Variants in BCOR observed in about 807,000 individuals in gnomAD.
The protein encoded by BCOR is BCL6 corepressor, also known as BCL-6 corepressor.
Under a neutral mutation model 86.7 loss-of-function variants are expected in BCOR, and 10 were observed. The ratio of observed to expected loss-of-function variants is 0.12; its 90% confidence interval spans 0.07 to 0.20. BCOR has a LOEUF of 0.20. Ranked by LOEUF, BCOR falls within the 10% of genes least tolerant of loss-of-function variation. The pLI, the probability that BCOR is intolerant of heterozygous loss-of-function variation, is 1.00. For synonymous variants in BCOR, 611 were observed against 609.0 expected (o/e 1.00, Z -0.05); for missense variants, 1,259 against 1,452.1 (o/e 0.87, Z 2.16).
chrX:40,062,969 G>A lies in BCOR; in HGVS notation c.3950C>T (p.Pro1317Leu), dbSNP rs780412607. Residue 1317 changes from proline to leucine, a missense_variant, in exon 9 of 15, where the codon CCG (proline) becomes CTG (leucine). Coordinates refer to ENST00000378444, the MANE Select transcript of BCOR (RefSeq NM_001123385.2). Reference protein sequence around the residue: ...AQPSCAPASRPPAKQQKIKEN... With the variant: ...AQPSCAPASRLPAKQQKIKEN... ...TTTAATTTTCTGCTGTTTGGCAGGC[G>A]GCCTGGAGGCTGGTGCGCAGCTTGG... 35 of 1,187,150 alleles carry A rather than the reference G, an allele frequency of 2.9e-5. No homozygotes were observed. In the East Asian group the frequency reaches 9.2e-4, roughly 31 times the overall value.
intron 3 of BCOR, 81 bp downstream of exon 3, chrX:40,076,373 T>G: frequency 7.3e-6 from 6 of 816,771 alleles, no homozygotes; most frequent in South Asian, 2.1e-5. Context: ...CCCCACCCTT[T>G]AAGGGCATGC....
chrX:40,059,007 G>A (rs964885977), intron 10 of BCOR, among the ~76,000 whole-genome samples: 12 of 111,963 alleles, frequency 1.1e-4, no homozygotes, highest in Non-Finnish European at 2.3e-4. Flanking sequence ...CCCGGATCCC[G>A]GCAGCCGGCC....
intron 6 of BCOR, among the ~76,000 whole-genome samples, chrX:40,069,951 G>C (rs1024101966): frequency 3.6e-5 from 4 of 112,179 alleles, no homozygotes; most frequent in African/African-American, 1.3e-4. Flanking sequence ...CAGGATCCTG[G>C]CAGGTGGCCT....
In BCOR at chrX:40,062,985, C is replaced by A. The variant is rs888552486; in HGVS notation, c.3934G>T (p.Ala1312Ser). The change falls in exon 9 of 15, where the codon GCA (alanine) becomes TCA (serine). Residue 1312 changes from alanine (A) to serine (S), a missense_variant. Coordinates refer to ENST00000378444, the MANE Select transcript of BCOR (RefSeq NM_001123385.2). ...GGKKQAQPSC[A>S]PASRPPAKQQ... ...TTGGCAGGCGGCCTGGAGGCTGGTG[C>A]GCAGCTTGGCTGAGCCTGCTTTTTG... is the stretch of plus-strand genomic sequence containing the variant. 6.8e-6 allele frequency: 8 copies of A among 1,179,325 alleles called. No individual in the cohort carries two copies. In the Admixed American group the frequency reaches 7.4e-5, roughly 11 times the overall value.
intron 1 of BCOR, among the ~76,000 whole-genome samples, chrX:40,176,609 G>C (rs1300534704): frequency 9.3e-6 from 1 of 107,038 alleles, no homozygotes; most frequent in Non-Finnish European, 1.9e-5. Flanking sequence ...ACGATTCCTC[G>C]TCCGGCCCGT....
chrX:40,112,028 C>T (rs958692914), intron 1 of BCOR, among the ~76,000 whole-genome samples: 1 of 110,196 alleles, frequency 9.1e-6, no homozygotes, highest in African/African-American at 3.3e-5. Context: ...TTCCTTGTTG[C>T]CAGGAGTGGG....
At chrX:40,132,531 G>A (rs1220620158) in intron 1 of BCOR, among the ~76,000 whole-genome samples, 2 of 111,295 alleles carry the variant, frequency 1.8e-5, no homozygotes, top group African/African-American at 6.5e-5. Context: ...TACCCGCTTC[G>A]GCCTCCCAAA....
chrX:40,077,915 G>T lies in BCOR; in HGVS notation c.15C>A (p.Thr5=). The T allele has an allele frequency of 8.3e-7, 1 of 1,210,838 alleles. No individual in the cohort carries two copies. The highest frequency in any genetic ancestry group is 1.1e-6 in the Non-Finnish European group (1 of 894,198). The part of the protein sequence containing the change: MLSA[T]PLYGNVHSWM... Reference sequence around the variant, plus strand: ...AGCTGTGAACGTTCCCATACAGGGGGGTTGCTGAGAGCATGTCGTCTTCTG... The same window carrying T: ...AGCTGTGAACGTTCCCATACAGGGGTGTTGCTGAGAGCATGTCGTCTTCTG... Residue 5 remains threonine (T), a synonymous_variant, in exon 2 of 15, where the codon ACC becomes ACA. Coordinates refer to ENST00000378444, the MANE Select transcript of BCOR (RefSeq NM_001123385.2).
At chrX:40,172,797 G>C (rs952787910) in intron 1 of BCOR, among the ~76,000 whole-genome samples, 1 of 113,045 alleles carries the variant, frequency 8.8e-6, no homozygotes, top group East Asian at 2.8e-4. Flanking sequence ...CCAGGGGACT[G>C]GTGTGAACTA....
In BCOR at chrX:40,073,238, G is replaced by A; in HGVS notation, c.2108C>T (p.Pro703Leu). 1 of 1,211,835 alleles carries A rather than the reference G, an allele frequency of 8.3e-7. No individual in the cohort carries two copies. The highest frequency in any genetic ancestry group is 1.7e-5 in the African/African-American group (1 of 57,818). The change falls in exon 4 of 15, where the codon CCC becomes CTC. Residue 703 changes from proline to leucine, a missense_variant. Coordinates refer to ENST00000378444, the MANE Select transcript of BCOR (RefSeq NM_001123385.2). ...PGHLAPKPGL[P>L]YGLPTGRPEF... ...TGGACGGCCGGTGGGAAGCCCATAG[G>A]GCAGCCCAGGCTTTGGGGCAAGGTG... is the stretch of plus-strand genomic sequence containing the variant.
At chrX:40,075,313 C>CGTGGGGG in intron 3 of BCOR, 133 bp from the exon 4 acceptor site, 1 of 81,844 alleles carries the variant, frequency 1.2e-5, no homozygotes, top group Non-Finnish European at 2.2e-5. Flanking sequence ...AGGCTTCCGG[C>CGTGGGGG]GGGGCGGGGG....
At chrX:40,078,829 C>G (rs1467095593) in intron 1 of BCOR, among the ~76,000 whole-genome samples, 1 of 109,440 alleles carries the variant, frequency 9.1e-6, no homozygotes, top group Non-Finnish European at 1.9e-5. Context: ...CACCCACCCC[C>G]CTTTACCTCC....
intron 1 of BCOR, among the ~76,000 whole-genome samples, chrX:40,121,568 CA>C (rs1281223426): frequency 8.8e-6 from 1 of 113,161 alleles, no homozygotes; most frequent in Non-Finnish European, 1.9e-5. Context: ...ACAGGACTGA[CA>C]AGGTCCTTAT....
Position 40,110,667 on chromosome X carries a change from C to CTTTTTTTTTTTTTTTTTTTTTT in BCOR, c.-40-32720_-40-32699dup, listed in dbSNP as rs546960508. ...TTCTTTTTTTTCTTTTTTCCTTTTT[C>CTTTTTTTTTTTTTTTTTTTTTT]TTTTTTTTTTTTTTTTTTTTTTTTT... On this transcript the variant is annotated intron_variant, in intron 1 of 14. Transcript: ENST00000342274. Among the ~76,000 whole-genome samples, 15 of 29,551 alleles carry CTTTTTTTTTTTTTTTTTTTTTT rather than the reference C, an allele frequency of 5.1e-4. 7 individuals are homozygous for CTTTTTTTTTTTTTTTTTTTTTT. Among genetic ancestry groups the CTTTTTTTTTTTTTTTTTTTTTT allele is most frequent in the Admixed American group, 9.2e-4 (2 of 2,185 alleles). The allele number at this position is 29,551 out of a possible 115,157, so 25.7% of individuals were successfully genotyped here.
In BCOR at chrX:40,116,236, G is replaced by A. The variant is rs919198727; in HGVS notation, c.-40-38267C>T. The stretch of plus-strand genomic sequence containing the variant: ...TATATGGCTGGGCGCGGTGGCTCAC[G>A]CCTGTAATCCCAGTGCTTTGGGAGG... On this transcript the variant is annotated intron_variant, in intron 1 of 14. Transcript: ENST00000342274. Among the ~76,000 whole-genome samples the A allele has an allele frequency of 6.2e-5, 7 of 112,062 alleles. 1 individual carries two copies. In the South Asian group the frequency reaches 1.9e-3, roughly 30 times the overall value.
chrX:40,114,787 A>G (rs1937366157), intron 1 of BCOR, among the ~76,000 whole-genome samples: 1 of 110,356 alleles, frequency 9.1e-6, no homozygotes, highest in South Asian at 3.9e-4. Context: ...TTTATCAGGT[A>G]CTTTTCCAAG....
chrX:40,143,579 C>T (rs1024493599), intron 1 of BCOR, among the ~76,000 whole-genome samples: 1 of 112,715 alleles, frequency 8.9e-6, no homozygotes. Flanking sequence ...AAGATGGTAT[C>T]AAGGCCAAAG....
chrX:40,090,765 C>G (rs896067941), intron 1 of BCOR, among the ~76,000 whole-genome samples: 1 of 111,979 alleles, frequency 8.9e-6, no homozygotes, highest in African/African-American at 3.2e-5. Flanking sequence ...AAGGGGGGGA[C>G]GGGCTGCTTT....
intron 1 of BCOR, among the ~76,000 whole-genome samples, chrX:40,114,849 C>CTTTTT (rs763376608): frequency 2.3e-5 from 2 of 85,110 alleles, no homozygotes; most frequent in African/African-American, 4.2e-5. Flanking sequence ...TTACCATTCA[C>CTTTTT]TTTTTTTTTT....
Sources: gnomAD v4.1 joint callset for allele counts (sites outside exome capture counted in the v4.1 genomes callset) on GRCh38, gnomAD v4.1.1 for gene constraint, MANE v1.5 for transcripts, NCBI Gene and HGNC (gene_info 2026-07-23, HGNC 2026-07-21) for gene names.